The following CDK12 variants were observed in gnomAD, a reference collection of about 807,000 sequenced individuals.
CDK12 encodes the protein cyclin-dependent kinase 12.
A neutral mutation model predicts 133.8 loss-of-function variants in CDK12; 17 were observed. The observed-to-expected ratio is 0.13, with a 90% CI of 0.09 to 0.19. CDK12 has a LOEUF of 0.19. Among genes scored for constraint, CDK12 ranks in the 10% least tolerant of loss-of-function variants. CDK12 has a pLI of 1.00. For synonymous variants in CDK12, 694 were observed against 683.6 expected (o/e 1.02, Z -0.24); for missense variants, 1,508 against 1,818.7 (o/e 0.83, Z 3.11).
chr17:39,561,732 T>C (rs556290627), intron 3 of CDK12, among the ~76,000 whole-genome samples: 47 of 152,292 alleles, frequency 3.1e-4, no homozygotes, highest in Admixed American at 1.6e-3. Context: ...TCTCTTGGCC[T>C]ATTCCAGCAG....
Position 39,520,061 on chromosome 17 carries a change from C to A in CDK12, c.3069C>A (p.Val1023=). ...QTLQSDFLKD[V]ELSKMAPPDL... ...TACAGAGCGACTTCCTTAAAGATGT[C>A]GAACTCAGCAAAATGGCTCCTCCAG... Residue 1023 remains valine, a synonymous_variant, in exon 11 of 14, where the codon GTC becomes GTA. Coordinates refer to ENST00000447079, the MANE Select transcript of CDK12 (RefSeq NM_016507.4). The A allele has an allele frequency of 1.2e-6, 2 of 1,613,968 alleles. No homozygotes were observed. Among genetic ancestry groups the A allele is most frequent in the South Asian group, 1.1e-5 (1 of 91,062 alleles).
chr17:39,476,251 A>G (rs2050183575), intron 2 of CDK12, among the ~76,000 whole-genome samples: 1 of 151,420 alleles, frequency 6.6e-6, no homozygotes. Context: ...TTGGGACCAC[A>G]GGCACCCGCC....
downstream of CDK12, among the ~76,000 whole-genome samples, chr17:39,537,649 A>G (rs2055199783): frequency 7.0e-6 from 1 of 142,408 alleles, no homozygotes; most frequent in Non-Finnish European, 1.5e-5. Flanking sequence ...TGCAGCCTCC[A>G]CCTCCCAGGT....
At chr17:39,489,125 G>A (rs559871515) in intron 2 of CDK12, among the ~76,000 whole-genome samples, 48 of 148,516 alleles carry the variant, frequency 3.2e-4, no homozygotes, top group Admixed American at 8.9e-4. Context: ...CTGTCTCTCC[G>A]GCTGGAGTGC....
At chr17:39,552,512 G>A (rs1335120376) in intron 2 of CDK12, among the ~76,000 whole-genome samples, 1 of 152,234 alleles carries the variant, frequency 6.6e-6, no homozygotes, top group Non-Finnish European at 1.5e-5. Context: ...CACAGCAGTG[G>A]AAAGGAGCAT....
At chr17:39,510,148 C>G (rs1390964848) in intron 7 of CDK12, among the ~76,000 whole-genome samples, 1 of 131,866 alleles carries the variant, frequency 7.6e-6, no homozygotes, top group African/African-American at 3.0e-5. Flanking sequence ...AAGACGGAGT[C>G]TCAATCTGTC....
chr17:39,509,152 C>G (rs1227549035), intron 6 of CDK12, among the ~76,000 whole-genome samples: 3 of 152,132 alleles, frequency 2.0e-5, no homozygotes, highest in African/African-American at 7.2e-5. Flanking sequence ...GTCAGCATCT[C>G]TAAGAATGGG....
chr17:39,465,976 A>G (rs1395983121), intron 1 of CDK12, among the ~76,000 whole-genome samples: 1 of 152,148 alleles, frequency 6.6e-6, no homozygotes, highest in Non-Finnish European at 1.5e-5. Flanking sequence ...TTCCTTTTGG[A>G]TTCTTAGGTA....
At chr17:39,503,001 C>A (rs1416814645) in intron 6 of CDK12, among the ~76,000 whole-genome samples, 2 of 152,096 alleles carry the variant, frequency 1.3e-5, no homozygotes, top group Non-Finnish European at 2.9e-5. Context: ...ATCACTTGAA[C>A]CCAGGAGGTA....
At position 39,526,303 on chromosome 17, in the gene CDK12, G is replaced by A. The variant is rs2054494253; in HGVS notation, c.3747G>A (p.Gln1249=). 6.3e-7 allele frequency: 1 copy of A among 1,591,592 alleles called. No homozygotes were observed. Among genetic ancestry groups the A allele is most frequent in the South Asian group, 1.1e-5 (1 of 88,228 alleles). Residue 1249 remains glutamine, a synonymous_variant, in exon 13 of 14, where the codon CAG becomes CAA. Coordinates refer to ENST00000447079, the MANE Select transcript of CDK12 (RefSeq NM_016507.4). ...QGPRRTPTMP[Q]EEAAACPPHI... ...CCCGAAGAACTCCCACAATGCCACA[G>A]GAGGAGGCAGCAGGTAAACAGACCG...
chr17:39,537,709 C>T (rs1315834401), downstream of CDK12, among the ~76,000 whole-genome samples: 6 of 151,764 alleles, frequency 4.0e-5, no homozygotes, highest in Non-Finnish European at 7.4e-5. Flanking sequence ...ATTACAGGTG[C>T]GTGCCACCAT....
rs118165914 is a variant in CDK12 at position 39,516,958 on chromosome 17, C to T, written c.2847-482C>T. Among the ~76,000 whole-genome samples, 1,298 of 152,162 alleles carry T rather than the reference C, an allele frequency of 8.5e-3. 8 individuals are homozygous for T. The highest frequency in any genetic ancestry group is 0.02 in the Middle Eastern group (6 of 294). On this transcript the variant is annotated intron_variant, in intron 9 of 13. Coordinates refer to ENST00000447079, the MANE Select transcript of CDK12 (RefSeq NM_016507.4). ...GATTACAGGCGTGAGCCACCGTGCCCGGCCAATGTAGACATTTTTTAAAGG... is the reference window on the plus strand; with the variant it reads ...GATTACAGGCGTGAGCCACCGTGCCTGGCCAATGTAGACATTTTTTAAAGG...
intron 2 of CDK12, among the ~76,000 whole-genome samples, chr17:39,473,709 A>G (rs2049973195): frequency 6.6e-6 from 1 of 151,990 alleles, no homozygotes; most frequent in African/African-American, 2.4e-5. Context: ...ATATGGTGAA[A>G]CCCTGTCTCT....
chr17:39,474,862 C>T (rs2050070066), intron 2 of CDK12, among the ~76,000 whole-genome samples: 1 of 127,488 alleles, frequency 7.8e-6, no homozygotes, highest in Non-Finnish European at 1.6e-5. Context: ...GAGATGGAGT[C>T]TCTTTCTGTT....
intron 1 of CDK12, among the ~76,000 whole-genome samples, chr17:39,465,593 TCTC>T (rs1387032095): frequency 1.3e-5 from 2 of 152,018 alleles, no homozygotes; most frequent in African/African-American, 4.8e-5. Context: ...TTCAAGCTAT[TCTC>T]CTGCCTCAGC....
In CDK12 at chr17:39,533,177, G is replaced by C. The variant is rs1485928592; in HGVS notation, c.*1861G>C. 1 of 232,848 alleles carries C rather than the reference G, an allele frequency of 4.3e-6. No individual in the cohort carries two copies. Among genetic ancestry groups the C allele is most frequent in the Non-Finnish European group, 8.5e-6 (1 of 117,834 alleles). The allele number at this position is 232,848 out of a possible 1,614,324, so 14.4% of individuals were successfully genotyped here. A position where few individuals can be genotyped will look rare whatever the true frequency, so the allele number is the denominator to read the frequency against. ...GAGATATAGCTAGATATCGGTGTGT[G>C]TATTTCTTTATTATTCTCTGGTTTT... On this transcript the variant is annotated 3_prime_UTR_variant, in exon 14 of 14. Transcript: ENST00000447079.
rs373485018 is a variant in CDK12 at position 39,471,603 on chromosome 17, A to G, written c.1771A>G (p.Lys591Glu). The change falls in exon 2 of 14, where the codon AAG becomes GAG. Residue 591 changes from lysine to glutamate, a missense_variant. Physicochemically the swap from Lys to Glu is moderately conservative, Grantham distance 56 (BLOSUM62 1). Transcript: ENST00000447079. ...AACTTTGCCCCCTTCTACTCACTCA[A>G]AGACATCTGCTGTGTCCTCTCAGGC... ...TSTLPPSTHS[K>E]TSAVSSQANS... is the part of the protein sequence containing the mutation. 53 of 1,613,878 alleles carry G rather than the reference A, an allele frequency of 3.3e-5. No individual in the cohort carries two copies. The highest frequency in any genetic ancestry group is 1.3e-4 in the East Asian group (6 of 44,886).
At chr17:39,467,563 C>G (rs2049438359) in intron 1 of CDK12, among the ~76,000 whole-genome samples, 1 of 152,268 alleles carries the variant, frequency 6.6e-6, no homozygotes. Flanking sequence ...CCATCCAAAT[C>G]TGTTAACAGT....
Position 39,462,889 on chromosome 17 carries a change from A to C in CDK12, c.818A>C (p.Gln273Pro), listed in dbSNP as rs1215769375. ...AGTCCTGGAAGTACCTCGAGAAGGC[A>C]GTCGGTCAGTCCCCCTTACAAGGAG... ...KKSPGSTSRR[Q>P]SVSPPYKEPS... Residue 273 changes from glutamine to proline, a missense_variant, in exon 1 of 14, where the codon CAG becomes CCG. Gln to Pro is a moderately conservative substitution (Grantham distance 76, BLOSUM62 -1). Around this residue, in one of 9 missense-constraint regions of CDK12, gnomAD observed 460 missense variants for 490.8 expected, o/e 0.94. Transcript: ENST00000447079. 6.2e-7 allele frequency: 1 copy of C among 1,614,202 alleles called. No homozygotes were observed. The highest frequency in any genetic ancestry group is 1.7e-5 in the Admixed American group (1 of 60,020).
Sources: gnomAD v4.1 joint callset for allele counts (sites outside exome capture counted in the v4.1 genomes callset) on GRCh38, gnomAD v4.1.1 for gene constraint, gnomAD v4.1.1 regional missense constraint, MANE v1.5 for transcripts, NCBI Gene and HGNC (gene_info 2026-07-23, HGNC 2026-07-21) for gene names.